Variants in SMAD1 observed in about 807,000 individuals in gnomAD.
SMAD1 encodes SMAD family member 1, also known as MAD, mothers against decapentaplegic homolog 1.
SMAD1 carries 6 observed loss-of-function variants against 41.6 expected under a neutral mutation model. The observed-to-expected ratio is 0.14, with a 90% CI of 0.08 to 0.28. The LOEUF (loss-of-function observed/expected upper bound fraction) is 0.28. SMAD1 is among the 10% of genes least tolerant of loss of function. SMAD1 has a pLI of 1.00. For synonymous variants in SMAD1, 206 were observed against 203.2 expected (o/e 1.01, Z -0.12); for missense variants, 379 against 582.6 (o/e 0.65, Z 3.60).
intron 1 of SMAD1, among the ~76,000 whole-genome samples, chr4:145,510,360 A>G (rs1205543870): frequency 2.0e-5 from 3 of 151,956 alleles, no homozygotes; most frequent in East Asian, 3.9e-4. Context: ...GTTAGTTTTC[A>G]GCTTTTTTCC....
chr4:145,486,113 A>G (rs923443266), intron 1 of SMAD1, among the ~76,000 whole-genome samples: 12 of 152,166 alleles, frequency 7.9e-5, no homozygotes, highest in Admixed American at 3.3e-4. Context: ...TGGCTTGTGT[A>G]TTTTGTAGGT....
chr4:145,557,731 C>CT lies in SMAD1; in HGVS notation c.1255-58dup, dbSNP rs1045753967. 3.7e-6 allele frequency: 5 copies of CT among 1,340,188 alleles called. No homozygotes were observed. The African/African-American group carries it at 5.8e-5, about 16-fold the overall frequency. 83.0% of individuals were successfully genotyped at this position (1,340,188 alleles called of 1,614,324 possible). On this transcript the variant is annotated intron_variant, in intron 6 of 6. Coordinates refer to ENST00000302085, the MANE Select transcript of SMAD1 (RefSeq NM_005900.3). ...TCTTTGGTTATGTGAACTCTTCTTA[C>CT]TTAATAAGTTTAACCACTGAGTTAA...
intron 2 of SMAD1, among the ~76,000 whole-genome samples, chr4:145,515,276 A>G (rs1275391220): frequency 6.6e-6 from 1 of 151,886 alleles, no homozygotes; most frequent in Non-Finnish European, 1.5e-5. Context: ...GGCTATGACA[A>G]TTGTCATTGC....
chr4:145,524,046 T>C (rs1003610476), intron 2 of SMAD1, among the ~76,000 whole-genome samples: 13 of 152,206 alleles, frequency 8.5e-5, no homozygotes. Context: ...ATTACAGGCA[T>C]GAGCTACCAT....
At chr4:145,550,455 A>T (rs890218460) in intron 5 of SMAD1, among the ~76,000 whole-genome samples, 2 of 152,130 alleles carry the variant, frequency 1.3e-5, no homozygotes, top group Admixed American at 6.6e-5. Flanking sequence ...GGAGGTTGCA[A>T]TGAGCTGAGA....
chr4:145,513,721 C>T (rs1465826085), intron 1 of SMAD1, among the ~76,000 whole-genome samples: 1 of 152,114 alleles, frequency 6.6e-6, no homozygotes, highest in East Asian at 1.9e-4. Context: ...CTGTTGCTTT[C>T]AGTTTTTGTT....
At chr4:145,491,215 A>G (rs192275780) in intron 1 of SMAD1, among the ~76,000 whole-genome samples, 33 of 152,346 alleles carry the variant, frequency 2.2e-4, no homozygotes, top group African/African-American at 7.9e-4. Flanking sequence ...ATCAATAGGA[A>G]GCACCACCCC....
At chr4:145,554,087 T>G in intron 6 of SMAD1, 47 bp downstream of exon 6, 6 of 1,488,322 alleles carry the variant, frequency 4.0e-6, no homozygotes, top group Non-Finnish European at 5.4e-6. Context: ...ATACTTTTGC[T>G]GTGCTTTTTT....
chr4:145,494,725 TTTG>T (rs1449138602), intron 1 of SMAD1, among the ~76,000 whole-genome samples: 1 of 152,158 alleles, frequency 6.6e-6, no homozygotes, highest in Non-Finnish European at 1.5e-5. Flanking sequence ...ATTTTTTCAT[TTTG>T]TTGTTTTTAG....
At chr4:145,536,325 C>T (rs1485295985) in intron 2 of SMAD1, among the ~76,000 whole-genome samples, 2 of 152,208 alleles carry the variant, frequency 1.3e-5, no homozygotes, top group Admixed American at 6.5e-5. Context: ...TACTATTCCT[C>T]ACTAAAGGGA....
intron 2 of SMAD1, among the ~76,000 whole-genome samples, chr4:145,531,569 C>T (rs1731318232): frequency 6.6e-6 from 1 of 152,132 alleles, no homozygotes; most frequent in African/African-American, 2.4e-5. Context: ...TGTACATGAG[C>T]AGCATTCTCA....
intron 2 of SMAD1, among the ~76,000 whole-genome samples, chr4:145,531,740 T>G (rs1731328027): frequency 6.6e-6 from 1 of 152,028 alleles, no homozygotes; most frequent in South Asian, 2.1e-4. Context: ...GTGTCTTGAC[T>G]CTAACCTAAA....
At chr4:145,512,835 C>T (rs1730159003) in intron 1 of SMAD1, among the ~76,000 whole-genome samples, 1 of 152,180 alleles carries the variant, frequency 6.6e-6, no homozygotes, top group Non-Finnish European at 1.5e-5. Context: ...TTGTCTTCCT[C>T]TACAGAGAAT....
chr4:145,506,463 T>C (rs1451281871), intron 1 of SMAD1, among the ~76,000 whole-genome samples: 2 of 152,222 alleles, frequency 1.3e-5, no homozygotes, highest in Admixed American at 1.3e-4. Flanking sequence ...GTTTATTTTA[T>C]TGAATAATAC....
At chr4:145,500,864 A>T (rs1729400043) in intron 1 of SMAD1, among the ~76,000 whole-genome samples, 2 of 152,198 alleles carry the variant, frequency 1.3e-5, no homozygotes, top group Admixed American at 1.3e-4. Flanking sequence ...AGCATGTTAT[A>T]ATTTTGAAGT....
chr4:145,494,322 T>A (rs1033478035), intron 1 of SMAD1, among the ~76,000 whole-genome samples: 6 of 152,196 alleles, frequency 3.9e-5, no homozygotes, highest in Admixed American at 3.9e-4. Flanking sequence ...ATGTTCATAG[T>A]GTATCTCTTA....
intron 2 of SMAD1, among the ~76,000 whole-genome samples, chr4:145,519,307 G>A (rs1175208073): frequency 2.0e-5 from 3 of 151,562 alleles, no homozygotes; most frequent in Non-Finnish European, 4.4e-5. Flanking sequence ...TGTTGGCCAC[G>A]CTGGTCTCGA....
rs377110142 is a variant in SMAD1 at position 145,534,230 on chromosome 4, A to G, written c.401-5574A>G. Among the ~76,000 whole-genome samples, 66 of 152,352 alleles carry G rather than the reference A, an allele frequency of 4.3e-4. 1 individual carries two copies. In the South Asian group the frequency reaches 0.012, roughly 27 times the overall value. On this transcript the variant is annotated intron_variant, in intron 2 of 6. Coordinates refer to ENST00000302085, the MANE Select transcript of SMAD1 (RefSeq NM_005900.3). Reference sequence around the variant, plus strand: ...TTTCTGTTGTTTAAGCCGCCAGTCTATGGTATTGTGTTACAGCAGTGCTAG... The same window carrying G: ...TTTCTGTTGTTTAAGCCGCCAGTCTGTGGTATTGTGTTACAGCAGTGCTAG...
At chr4:145,491,244 G>A (rs138984965) in intron 1 of SMAD1, among the ~76,000 whole-genome samples, 84 of 152,274 alleles carry the variant, frequency 5.5e-4, no homozygotes, top group African/African-American at 2.0e-3. Flanking sequence ...AATTGGTAGT[G>A]GACGTGAACA....
Sources: allele counts gnomAD v4.1 joint callset (sites outside exome capture counted in the v4.1 genomes callset), GRCh38; gene constraint gnomAD v4.1.1; transcripts MANE v1.5; gene names NCBI Gene and HGNC (gene_info 2026-07-23, HGNC 2026-07-21).